The following CCSER1 variants were observed in gnomAD, a reference collection of about 807,000 sequenced individuals.
CCSER1 encodes the protein serine-rich coiled-coil domain-containing protein 1.
CCSER1 carries 41 observed loss-of-function variants against 82.0 expected under a neutral mutation model. That is an observed-to-expected ratio of 0.50 (90% confidence interval 0.39 to 0.65). The LOEUF is 0.65. Among genes scored for constraint, CCSER1 ranks in the 30% least tolerant of loss-of-function variants. CCSER1 has a pLI of 0.00. For synonymous variants in CCSER1, 414 were observed against 383.9 expected (o/e 1.08, Z -0.92); for missense variants, 1,119 against 1,064.2 (o/e 1.05, Z -0.72).
chr4:91,197,042 T>C (rs540782853), intron 10 of CCSER1, among the ~76,000 whole-genome samples: 343 of 152,342 alleles, frequency 2.3e-3, no homozygotes, highest in African/African-American at 7.8e-3. Context: ...TGGGATTTGC[T>C]GAAGTTGCTG....
intron 8 of CCSER1, among the ~76,000 whole-genome samples, chr4:90,921,904 C>T (rs987299152): frequency 6.6e-6 from 1 of 152,052 alleles, no homozygotes; most frequent in Admixed American, 6.6e-5. Context: ...TTACCTATTA[C>T]TACCTCTCCC....
intron 1 of CCSER1, among the ~76,000 whole-genome samples, chr4:90,277,669 A>C (rs964219874): frequency 1.3e-5 from 2 of 152,172 alleles, no homozygotes; most frequent in African/African-American, 4.8e-5. Context: ...ACCATATATG[A>C]AAGTTAACAC....
chr4:90,707,882 G>A (rs939176785), intron 6 of CCSER1, among the ~76,000 whole-genome samples: 1 of 152,114 alleles, frequency 6.6e-6, no homozygotes, highest in African/African-American at 2.4e-5. Flanking sequence ...AAGCATCCTA[G>A]CACTCTGTAG....
intron 10 of CCSER1, among the ~76,000 whole-genome samples, chr4:91,323,884 C>T (rs1018970550): frequency 6.6e-6 from 1 of 152,164 alleles, no homozygotes; most frequent in Admixed American, 6.5e-5. Context: ...AGGAAATTTT[C>T]TTTCTGTTTC....
At chr4:91,567,374 A>G (rs985034030) in intron 10 of CCSER1, among the ~76,000 whole-genome samples, 2 of 152,050 alleles carry the variant, frequency 1.3e-5, no homozygotes, top group African/African-American at 4.8e-5. Flanking sequence ...TAAGGTGGAG[A>G]GTTATGTAAA....
chr4:91,026,806 C>T (rs1320541590), intron 9 of CCSER1, among the ~76,000 whole-genome samples: 3 of 151,820 alleles, frequency 2.0e-5, no homozygotes, highest in Non-Finnish European at 4.4e-5. Flanking sequence ...AGGAAGAAGC[C>T]ATGTTTTTGC....
chr4:90,913,151 C>T (rs1726698828), intron 8 of CCSER1, among the ~76,000 whole-genome samples: 1 of 152,104 alleles, frequency 6.6e-6, no homozygotes, highest in African/African-American at 2.4e-5. Flanking sequence ...CACAAAGATA[C>T]TCCTCGAGAA....
At chr4:90,781,547 A>T in intron 7 of CCSER1, 1 of 980,422 alleles carries the variant, frequency 1.0e-6, no homozygotes, top group Non-Finnish European at 1.2e-6. Flanking sequence ...TTTTTGATAA[A>T]ATATGAAATA....
At chr4:90,651,356 C>T (rs746540871) in intron 6 of CCSER1, among the ~76,000 whole-genome samples, 12 of 152,008 alleles carry the variant, frequency 7.9e-5, no homozygotes, top group Non-Finnish European at 1.5e-4. Context: ...TACTATGCAG[C>T]CATAAAAAAG....
At chr4:90,410,520 C>T (rs1310842835) in intron 4 of CCSER1, among the ~76,000 whole-genome samples, 1 of 152,142 alleles carries the variant, frequency 6.6e-6, no homozygotes, top group Non-Finnish European at 1.5e-5. Context: ...ACAACCTGTT[C>T]TGAATGACTA....
chr4:90,515,576 G>A (rs1437900504), intron 5 of CCSER1, among the ~76,000 whole-genome samples: 1 of 152,122 alleles, frequency 6.6e-6, no homozygotes, highest in East Asian at 1.9e-4. Flanking sequence ...ATTGTCTTCT[G>A]TATTGTTCAC....
chr4:91,250,249 T>G (rs762821841), intron 10 of CCSER1, among the ~76,000 whole-genome samples: 4 of 152,150 alleles, frequency 2.6e-5, no homozygotes, highest in Non-Finnish European at 5.9e-5. Flanking sequence ...AATTTCTTTC[T>G]TATTGTTTTA....
chr4:91,116,279 T>C (rs1035710746), intron 10 of CCSER1, among the ~76,000 whole-genome samples: 2 of 152,088 alleles, frequency 1.3e-5, no homozygotes, highest in African/African-American at 2.4e-5. Flanking sequence ...TGTAGGGACA[T>C]GGATGAAGCT....
chr4:90,475,335 C>T (rs914240064), intron 5 of CCSER1, among the ~76,000 whole-genome samples: 1 of 152,118 alleles, frequency 6.6e-6, no homozygotes, highest in Non-Finnish European at 1.5e-5. Context: ...TCAAAAGAAA[C>T]GGCTAGTGTT....
At chr4:90,724,528 G>A (rs1580160804) in intron 7 of CCSER1, 2 of 176,188 alleles carry the variant, frequency 1.1e-5, no homozygotes, top group East Asian at 3.2e-4. Flanking sequence ...TTCACTTTGG[G>A]AAGCTATATA....
At chr4:91,505,012 G>A (rs1251346462) in intron 10 of CCSER1, among the ~76,000 whole-genome samples, 2 of 152,130 alleles carry the variant, frequency 1.3e-5, no homozygotes, top group Non-Finnish European at 2.9e-5. Context: ...CATGTGCCAT[G>A]GTGATTTGCT....
intron 10 of CCSER1, among the ~76,000 whole-genome samples, chr4:91,390,960 G>A (rs1245693647): frequency 6.6e-6 from 1 of 151,874 alleles, no homozygotes; most frequent in Non-Finnish European, 1.5e-5. Context: ...TGTGCCTTCT[G>A]TCTTTTTTTC....
At chr4:91,383,265 C>A (rs1175729089) in intron 10 of CCSER1, among the ~76,000 whole-genome samples, 1 of 152,020 alleles carries the variant, frequency 6.6e-6, no homozygotes, top group Non-Finnish European at 1.5e-5. Flanking sequence ...AGGTATTGAG[C>A]ATTTTAAAGA....
At chr4:90,347,926 T>C (rs944625721) in intron 3 of CCSER1, among the ~76,000 whole-genome samples, 3 of 152,114 alleles carry the variant, frequency 2.0e-5, no homozygotes, top group African/African-American at 7.2e-5. Context: ...CATGGAATAT[T>C]ATGCAGCCAT....
Sources: allele counts gnomAD v4.1 joint callset (sites outside exome capture counted in the v4.1 genomes callset), GRCh38; gene constraint gnomAD v4.1.1; transcripts MANE v1.5; gene names NCBI Gene and HGNC (gene_info 2026-07-23, HGNC 2026-07-21).